Variants in HUNK observed in about 807,000 individuals in gnomAD.
HUNK encodes hormonally up-regulated neu tumor-associated kinase.
HUNK carries 21 observed loss-of-function variants against 61.0 expected under a neutral mutation model. The observed-to-expected ratio is 0.34, with a 90% CI of 0.24 to 0.50. The LOEUF is 0.50. Ranked by LOEUF, HUNK falls within the 20% of genes least tolerant of loss-of-function variation. HUNK has a pLI of 0.98. For synonymous variants in HUNK, 371 were observed against 386.1 expected (o/e 0.96, Z 0.46); for missense variants, 772 against 945.7 (o/e 0.82, Z 2.41).
intron 7 of HUNK, among the ~76,000 whole-genome samples, chr21:31,980,499 C>T (rs1740778624): frequency 6.6e-6 from 1 of 151,886 alleles, no homozygotes; most frequent in Admixed American, 6.6e-5. Context: ...GCCTCAGCCT[C>T]CTGAGTAGCT....
At chr21:31,997,521 G>C (rs1051226420) in intron 10 of HUNK, among the ~76,000 whole-genome samples, 4 of 152,180 alleles carry the variant, frequency 2.6e-5, no homozygotes, top group Non-Finnish European at 5.9e-5. Flanking sequence ...CTTATATGAG[G>C]TCCCTAGAGT....
At chr21:31,978,858 T>G (rs1253112162) in intron 7 of HUNK, among the ~76,000 whole-genome samples, 1 of 152,190 alleles carries the variant, frequency 6.6e-6, no homozygotes, top group Non-Finnish European at 1.5e-5. Flanking sequence ...GAAGTGGAAT[T>G]GCTGGATCAC....
intron 1 of HUNK, among the ~76,000 whole-genome samples, chr21:31,920,174 T>C (rs1462723467): frequency 6.6e-6 from 1 of 152,196 alleles, no homozygotes; most frequent in Non-Finnish European, 1.5e-5. Context: ...CCTCTGCTTA[T>C]TTGTGTGAAA....
At chr21:31,991,594 C>T (rs937331908) in intron 9 of HUNK, among the ~76,000 whole-genome samples, 2 of 152,184 alleles carry the variant, frequency 1.3e-5, no homozygotes, top group African/African-American at 4.8e-5. Flanking sequence ...TGATGGGTGA[C>T]AAGGAACCAA....
chr21:31,882,511 A>G (rs1004290521), intron 1 of HUNK, among the ~76,000 whole-genome samples: 8 of 152,158 alleles, frequency 5.3e-5, no homozygotes, highest in African/African-American at 1.9e-4. Flanking sequence ...ATATTTGTAA[A>G]TGCGTAGTTA....
At chr21:31,927,349 G>A (rs1376121477) in intron 2 of HUNK, among the ~76,000 whole-genome samples, 5 of 127,252 alleles carry the variant, frequency 3.9e-5, no homozygotes, top group East Asian at 2.4e-4. Flanking sequence ...AGCCATGAAA[G>A]CCATTTATTT....
intron 4 of HUNK, among the ~76,000 whole-genome samples, chr21:31,955,419 T>A (rs1176457939): frequency 1.4e-5 from 2 of 138,422 alleles, no homozygotes; most frequent in Non-Finnish European, 3.1e-5. Flanking sequence ...TGAAACCCCG[T>A]CTCTACGAAA....
chr21:31,960,125 C>CCATT (rs757627282), intron 5 of HUNK, among the ~76,000 whole-genome samples: 10 of 152,126 alleles, frequency 6.6e-5, no homozygotes. Flanking sequence ...TGAGGTGTGC[C>CCATT]CATTCATTCA....
intron 1 of HUNK, among the ~76,000 whole-genome samples, chr21:31,918,477 G>A: frequency 6.6e-6 from 1 of 152,146 alleles, no homozygotes; most frequent in South Asian, 2.1e-4. Context: ...AACAGAAAGT[G>A]ATTCCCTCAC....
intron 3 of HUNK, 112 bp from the exon 4 acceptor site, chr21:31,945,924 C>T: frequency 9.4e-7 from 1 of 1,059,320 alleles, no homozygotes; most frequent in South Asian, 1.6e-5. Context: ...GATGTGTTAG[C>T]CTGAGAGAAT....
At chr21:31,951,724 A>G (rs781371277) in intron 4 of HUNK, among the ~76,000 whole-genome samples, 2 of 152,208 alleles carry the variant, frequency 1.3e-5, no homozygotes, top group African/African-American at 2.4e-5. Context: ...CATGTCTCCA[A>G]ATAGCTCTCC....
intron 1 of HUNK, among the ~76,000 whole-genome samples, chr21:31,884,692 A>G (rs1188500764): frequency 6.6e-6 from 1 of 152,140 alleles, no homozygotes; most frequent in Non-Finnish European, 1.5e-5. Context: ...GAGCCAGAAA[A>G]CACGCCCTCA....
rs546119131 is a variant in HUNK, at chr21:31,922,451, C to T, written c.262-2017C>T. ...AAGCGATTCTCCTGCCTAAGCCTCC[C>T]GAGTAGCTGGGATTCCAGGCATCCA... On this transcript the variant is annotated intron_variant, in intron 1 of 10. Transcript: ENST00000270112. Among the ~76,000 whole-genome samples, 14 of 148,402 alleles carry T rather than the reference C, an allele frequency of 9.4e-5. No homozygotes were observed. In the South Asian group the frequency reaches 1.1e-3, roughly 11 times the overall value.
rs1204126618 is a variant in HUNK, at chr21:32,002,460, C to T, written c.*3276C>T. The T allele has an allele frequency of 2.0e-5, 3 of 152,218 alleles. No individual in the cohort carries two copies. The highest frequency in any genetic ancestry group is 4.4e-5 in the Non-Finnish European group (3 of 68,052). The allele number at this position is 152,218 out of a possible 1,614,324, so 9.4% of individuals were successfully genotyped here. A position where few individuals can be genotyped will look rare whatever the true frequency, so the allele number is the denominator to read the frequency against. On this transcript the variant is annotated 3_prime_UTR_variant, in exon 11 of 11. Coordinates refer to ENST00000270112, the MANE Select transcript of HUNK (RefSeq NM_014586.2). ...TTGCATTGGGGGGCATTTTCTGGGCCAGTTTCCCTGCCTTATTTTACCTGC... is the reference window on the plus strand; with the variant it reads ...TTGCATTGGGGGGCATTTTCTGGGCTAGTTTCCCTGCCTTATTTTACCTGC...
At chr21:31,877,159 T>C (rs1568913980) in intron 1 of HUNK, among the ~76,000 whole-genome samples, 1 of 152,172 alleles carries the variant, frequency 6.6e-6, no homozygotes, top group African/African-American at 2.4e-5. Flanking sequence ...ATTCTCAAAC[T>C]GTGAGAATTA....
At chr21:31,965,602 T>TTC (rs2123846811) in intron 5 of HUNK, among the ~76,000 whole-genome samples, 1 of 149,380 alleles carries the variant, frequency 6.7e-6, no homozygotes, top group South Asian at 2.1e-4. Flanking sequence ...TTCTTTTTTT[T>TTC]TTTTTTTTTT....
At chr21:31,964,962 G>A (rs1299049436) in intron 5 of HUNK, among the ~76,000 whole-genome samples, 1 of 152,316 alleles carries the variant, frequency 6.6e-6, no homozygotes, top group East Asian at 1.9e-4. Flanking sequence ...GTAAGCAACA[G>A]CAATGTCTCA....
intron 8 of HUNK, among the ~76,000 whole-genome samples, chr21:31,986,466 G>T (rs577146516): frequency 6.6e-6 from 1 of 152,118 alleles, no homozygotes; most frequent in African/African-American, 2.4e-5. Flanking sequence ...ATGGTGGCCC[G>T]CCACTCTCTC....
At chr21:31,911,772 G>A (rs1036413184) in intron 1 of HUNK, among the ~76,000 whole-genome samples, 1 of 152,072 alleles carries the variant, frequency 6.6e-6, no homozygotes, top group Non-Finnish European at 1.5e-5. Context: ...GGTGAAGAAT[G>A]AGGGTCCTTC....
Sources: gnomAD v4.1 joint callset for allele counts (sites outside exome capture counted in the v4.1 genomes callset) on GRCh38, gnomAD v4.1.1 for gene constraint, MANE v1.5 for transcripts, NCBI Gene and HGNC (gene_info 2026-07-23, HGNC 2026-07-21) for gene names.